Variants in BBS9 observed in about 807,000 individuals in gnomAD.
BBS9 encodes protein PTHB1.
Under a neutral mutation model 117.7 loss-of-function variants are expected in BBS9, and 89 were observed. The observed-to-expected ratio is 0.76, with a 90% CI of 0.64 to 0.90. The LOEUF is 0.90. BBS9 is among the 40% of genes least tolerant of loss of function. BBS9 has a pLI of 0.00. For synonymous variants in BBS9, 379 were observed against 370.9 expected (o/e 1.02, Z -0.25); for missense variants, 982 against 1,042.2 (o/e 0.94, Z 0.80).
chr7:33,250,507 T>C (rs913947957), intron 5 of BBS9, among the ~76,000 whole-genome samples: 15 of 152,230 alleles, frequency 9.9e-5, no homozygotes, highest in African/African-American at 3.6e-4. Flanking sequence ...GACAAAACTT[T>C]CATGGCTTTT....
chr7:33,531,247 A>G (rs181419850), intron 20 of BBS9, among the ~76,000 whole-genome samples: 59 of 152,258 alleles, frequency 3.9e-4, no homozygotes, highest in Admixed American at 2.7e-3. Flanking sequence ...CTCTGTCTCA[A>G]TAGAGAGAGG....
intron 20 of BBS9, among the ~76,000 whole-genome samples, chr7:33,527,387 A>T (rs1360759329): frequency 6.6e-6 from 1 of 151,972 alleles, no homozygotes; most frequent in Non-Finnish European, 1.5e-5. Flanking sequence ...CTGCTGTGCT[A>T]GCAATCAGCG....
intron 5 of BBS9, among the ~76,000 whole-genome samples, chr7:33,216,817 C>A (rs7809399): frequency 1.3e-5 from 2 of 152,004 alleles, no homozygotes; most frequent in Non-Finnish European, 2.9e-5. Flanking sequence ...GTTAACCAGC[C>A]GGGCGTGGTG....
At chr7:33,278,122 G>T (rs979105951) in intron 9 of BBS9, among the ~76,000 whole-genome samples, 1 of 152,208 alleles carries the variant, frequency 6.6e-6, no homozygotes, top group Admixed American at 6.5e-5. Flanking sequence ...GTTAGATCAT[G>T]TCTCCCCCAC....
At chr7:33,415,403 T>C (rs1363141378) in intron 19 of BBS9, among the ~76,000 whole-genome samples, 2 of 152,010 alleles carry the variant, frequency 1.3e-5, no homozygotes, top group African/African-American at 4.8e-5. Context: ...AAAAACTTGG[T>C]CTTGGATTGA....
In BBS9 at chr7:33,264,310, C is replaced by T; in HGVS notation, c.638C>T (p.Ala213Val). The change falls in exon 7 of 23, where the codon GCA (alanine) becomes GTA (valine). Residue 213 changes from alanine (A) to valine (V), a missense_variant. Ala to Val is a moderately conservative substitution (Grantham distance 64). Coordinates refer to ENST00000242067, the MANE Select transcript of BBS9 (RefSeq NM_198428.3). ...TACAGGTACCAGGTACTTGCTTTTG[C>T]AACAGATGCAGATAAAAGGCAGGAG... ...ESYKYQVLAF[A>V]TDADKRQETE... 1 of 1,554,288 alleles carries T rather than the reference C, an allele frequency of 6.4e-7. No individual in the cohort carries two copies. Among genetic ancestry groups the T allele is most frequent in the Non-Finnish European group, 8.7e-7 (1 of 1,149,584 alleles).
intron 1 of BBS9, among the ~76,000 whole-genome samples, chr7:33,138,409 C>T (rs2128070463): frequency 6.6e-6 from 1 of 151,344 alleles, no homozygotes; most frequent in Middle Eastern, 3.4e-3. Flanking sequence ...GTATCAGTTA[C>T]ATCAGTGCCT....
intron 21 of BBS9, among the ~76,000 whole-genome samples, chr7:33,562,591 A>T (rs887909977): frequency 8.5e-5 from 13 of 152,206 alleles, no homozygotes; most frequent in Non-Finnish European, 1.9e-4. Flanking sequence ...GAAAGCTGAA[A>T]AAGCCAAATC....
At chr7:33,418,205 G>C (rs1029931753) in intron 19 of BBS9, among the ~76,000 whole-genome samples, 5 of 152,228 alleles carry the variant, frequency 3.3e-5, no homozygotes, top group Non-Finnish European at 7.3e-5. Context: ...GATTACAAAT[G>C]TGTGTTAATG....
intron 4 of BBS9, among the ~76,000 whole-genome samples, chr7:33,169,269 A>T (rs1436806030): frequency 6.6e-6 from 1 of 150,752 alleles, no homozygotes; most frequent in African/African-American, 2.5e-5. Context: ...CGCAATAAAC[A>T]TACGTGTGCA....
In BBS9 at chr7:33,507,616, T is replaced by C. The variant is rs187847373; in HGVS notation, c.2298+1971T>C. Reference sequence around the variant, plus strand: ...CTTAAGAATGATAATATCTTATTCCTTTTTATATCCTCAGTACCTGGCACA... The same window carrying C: ...CTTAAGAATGATAATATCTTATTCCCTTTTATATCCTCAGTACCTGGCACA... On this transcript the variant is annotated intron_variant, in intron 20 of 22. Coordinates refer to ENST00000242067, the MANE Select transcript of BBS9 (RefSeq NM_198428.3). Among the ~76,000 whole-genome samples, 153 of 152,334 alleles carry C rather than the reference T, an allele frequency of 1.0e-3. 1 individual carries two copies. The highest frequency in any genetic ancestry group is 3.3e-3 in the African/African-American group (136 of 41,564).
chr7:33,451,691 T>C (rs1042180643), intron 19 of BBS9, among the ~76,000 whole-genome samples: 15 of 152,248 alleles, frequency 9.9e-5, no homozygotes, highest in African/African-American at 3.6e-4. Context: ...AGGTTACATA[T>C]GAAATTTAGA....
chr7:33,363,839 G>T (rs1821111023), intron 16 of BBS9, among the ~76,000 whole-genome samples: 1 of 151,256 alleles, frequency 6.6e-6, no homozygotes, highest in South Asian at 2.1e-4. Context: ...TAAATATGGT[G>T]GATTACATTG....
intron 5 of BBS9, among the ~76,000 whole-genome samples, chr7:33,211,907 G>A (rs1265420384): frequency 4.4e-3 from 1 of 226 alleles, no homozygotes; most frequent in Non-Finnish European, 7.9e-3. Flanking sequence ...CTCTCTCCTG[G>A]CCTGTAAGTT....
At position 33,403,777 on chromosome 7, in the gene BBS9, C is replaced by T. The variant is rs1261865007; in HGVS notation, c.2115+15633C>T. On this transcript the variant is annotated intron_variant, in intron 19 of 22. Transcript: ENST00000242067. Reference sequence around the variant, plus strand: ...TGTGACTAGTGCCGCAATAGACATACGTGTGCATGTGTCTTTATAGCAGCA... The same window carrying T: ...TGTGACTAGTGCCGCAATAGACATATGTGTGCATGTGTCTTTATAGCAGCA... Among the ~76,000 whole-genome samples the T allele has an allele frequency of 3.9e-5, 6 of 152,010 alleles. 1 individual carries two copies. The South Asian group carries it at 1.2e-3, about 32-fold the overall frequency.
In BBS9 at chr7:33,397,989, G is replaced by A. The variant is rs1252738082; in HGVS notation, c.2115+9845G>A. 2.0e-5 allele frequency among the ~76,000 whole-genome samples: 3 copies of A among 149,178 alleles called. No individual in the cohort carries two copies. The East Asian group carries it at 5.9e-4, about 29-fold the overall frequency. ...CCTTGAACTTAAAATAATAGTTGAA[G>A]AAAAAAAAATAAAAATTAAAAAAAT... On this transcript the variant is annotated intron_variant, in intron 19 of 22. Transcript: ENST00000242067.
At chr7:33,449,611 A>G (rs10250448) in intron 19 of BBS9, among the ~76,000 whole-genome samples, 15,171 of 152,190 alleles carry the variant, frequency 0.1, 804 homozygotes, top group South Asian at 0.15. Flanking sequence ...TTTAATGAGT[A>G]AGTTTTCACA....
intron 19 of BBS9, among the ~76,000 whole-genome samples, chr7:33,453,738 TC>T (rs1282063742): frequency 6.6e-6 from 1 of 152,164 alleles, no homozygotes; most frequent in Non-Finnish European, 1.5e-5. Context: ...CAGGCTGATC[TC>T]CAACTCCCGA....
chr7:33,355,508 A>G lies in BBS9; in HGVS notation c.1553-2347A>G, dbSNP rs182674328. Reference sequence around the variant, plus strand: ...TAATGGTAAAACTTTTCAAGCTGCCATCATTTAAAAAATAGCCATAATCAT... The same window carrying G: ...TAATGGTAAAACTTTTCAAGCTGCCGTCATTTAAAAAATAGCCATAATCAT... On this transcript the variant is annotated intron_variant, in intron 15 of 22. Coordinates refer to ENST00000242067, the MANE Select transcript of BBS9 (RefSeq NM_198428.3). Among the ~76,000 whole-genome samples, 21 of 152,094 alleles carry G rather than the reference A, an allele frequency of 1.4e-4. No individual in the cohort carries two copies. In the East Asian group the frequency reaches 3.9e-3, roughly 28 times the overall value.
Sources: gnomAD v4.1 joint callset for allele counts (sites outside exome capture counted in the v4.1 genomes callset) on GRCh38, gnomAD v4.1.1 for gene constraint, MANE v1.5 for transcripts, NCBI Gene and HGNC (gene_info 2026-07-23, HGNC 2026-07-21) for gene names.